The following IMPG2 variants were observed in gnomAD, a reference collection of about 807,000 sequenced individuals.
IMPG2 encodes the protein interphotoreceptor matrix proteoglycan 2.
IMPG2 carries 91 observed loss-of-function variants against 129.2 expected under a neutral mutation model. The ratio of observed to expected loss-of-function variants is 0.70; its 90% CI spans 0.59 to 0.84. The LOEUF (loss-of-function observed/expected upper bound fraction) is 0.84, where lower values mean the gene tolerates loss of function less well. IMPG2 is among the 40% of genes least tolerant of loss of function. The probability of loss-of-function intolerance (pLI) is 0.00; values close to 1 mark genes in which losing one functional copy is unlikely to be tolerated. For missense variants in IMPG2, 1,430 were observed against 1,461.7 expected, an observed-to-expected ratio of 0.98 and a Z score of 0.35; for synonymous variants, 510 against 517.7, an observed-to-expected ratio of 0.99 and a Z score of 0.20.
chr3:101,313,991 GA>G (rs959184545), intron 2 of IMPG2, among the ~76,000 whole-genome samples: 2 of 151,890 alleles, frequency 1.3e-5, no homozygotes, highest in South Asian at 4.2e-4. Context: ...AATAATAGAT[GA>G]AAAAATGTGA....
intron 4 of IMPG2, among the ~76,000 whole-genome samples, chr3:101,286,639 G>T (rs533492649): frequency 5.3e-5 from 8 of 152,228 alleles, no homozygotes; most frequent in Non-Finnish European, 1.0e-4. Context: ...TATATGCCTC[G>T]CATTACCAGT....
chr3:101,292,669 G>A (rs965275805), intron 3 of IMPG2, among the ~76,000 whole-genome samples: 1 of 152,082 alleles, frequency 6.6e-6, no homozygotes, highest in Non-Finnish European at 1.5e-5. Context: ...CCCATCAATT[G>A]ATTTTTTCTT....
In IMPG2 at chr3:101,253,799, T is replaced by G. The variant is rs1023894390; in HGVS notation, c.1154-18A>C. 13 of 1,568,434 alleles carry G rather than the reference T, an allele frequency of 8.3e-6. No homozygotes were observed. The highest frequency in any genetic ancestry group is 1.7e-4 in the Middle Eastern group (1 of 5,986). ...TCCTCTCACTGAGGAAAGAACAATA[T>G]TAAAGAACATTTTTAGATGAGGCCC... On this transcript the variant is annotated intron_variant, in intron 10 of 18. Coordinates refer to ENST00000193391, the MANE Select transcript of IMPG2 (RefSeq NM_016247.4).
chr3:101,306,989 A>G (rs982903348), intron 2 of IMPG2, among the ~76,000 whole-genome samples: 3 of 152,256 alleles, frequency 2.0e-5, no homozygotes, highest in Non-Finnish European at 2.9e-5. Flanking sequence ...AAATACATAT[A>G]TCTGCCAAAG....
At chr3:101,253,821 G>T in intron 10 of IMPG2, 40 bp from the exon 11 acceptor site, 1 of 1,388,344 alleles carries the variant, frequency 7.2e-7, no homozygotes. Flanking sequence ...TTTAGATGAG[G>T]CCCTATTGTA....
chr3:101,316,547 T>C (rs1165679269), intron 2 of IMPG2, among the ~76,000 whole-genome samples: 1 of 151,878 alleles, frequency 6.6e-6, no homozygotes, highest in Non-Finnish European at 1.5e-5. Flanking sequence ...AAAATGCAAA[T>C]TAATACCACA....
At chr3:101,228,312 A>C (rs984381556) in intron 18 of IMPG2, among the ~76,000 whole-genome samples, 3 of 152,148 alleles carry the variant, frequency 2.0e-5, no homozygotes, top group Admixed American at 6.5e-5. Context: ...ACAGAGATAG[A>C]ATTGAAAGAA....
chr3:101,279,485 T>C (rs956804576), intron 4 of IMPG2, among the ~76,000 whole-genome samples: 1 of 152,186 alleles, frequency 6.6e-6, no homozygotes, highest in African/African-American at 2.4e-5. Context: ...TTGGCCTTCA[T>C]GATACTGGCC....
chr3:101,312,298 C>T (rs1183418080), intron 2 of IMPG2, among the ~76,000 whole-genome samples: 1 of 151,684 alleles, frequency 6.6e-6, no homozygotes, highest in Non-Finnish European at 1.5e-5. Context: ...GGATTTATAG[C>T]CAGAATAAAT....
At chr3:101,308,185 G>A (rs1576771939) in intron 2 of IMPG2, among the ~76,000 whole-genome samples, 1 of 152,194 alleles carries the variant, frequency 6.6e-6, no homozygotes, top group African/African-American at 2.4e-5. Flanking sequence ...CAGGTGCATG[G>A]TGCAAGTTGT....
At chr3:101,248,450 T>A (rs970287602) in intron 11 of IMPG2, among the ~76,000 whole-genome samples, 1 of 152,188 alleles carries the variant, frequency 6.6e-6, no homozygotes, top group Non-Finnish European at 1.5e-5. Context: ...ATCAGCAGCG[T>A]GAAAACAGAT....
intron 14 of IMPG2, among the ~76,000 whole-genome samples, chr3:101,241,068 G>A (rs1463564451): frequency 6.6e-6 from 1 of 152,180 alleles, no homozygotes; most frequent in Non-Finnish European, 1.5e-5. Flanking sequence ...CTGTGTTCAA[G>A]ACACTATCCT....
intron 2 of IMPG2, among the ~76,000 whole-genome samples, chr3:101,312,731 A>G (rs565082001): frequency 7.1e-4 from 108 of 152,246 alleles, no homozygotes; most frequent in African/African-American, 2.3e-3. Flanking sequence ...CTATCCATAC[A>G]CTAAAATATT....
In IMPG2 at chr3:101,244,599, C is replaced by G; in HGVS notation, c.1732G>C (p.Asp578His). The G allele has an allele frequency of 6.3e-7, 1 of 1,598,436 alleles. No individual in the cohort carries two copies. Among genetic ancestry groups the G allele is most frequent in the Non-Finnish European group, 8.5e-7 (1 of 1,172,914 alleles). Residue 578 changes from aspartate to histidine, a missense_variant, in exon 13 of 19, where the codon GAC becomes CAC. By Grantham distance (81) the Asp-to-His change is moderately conservative. Coordinates refer to ENST00000193391, the MANE Select transcript of IMPG2 (RefSeq NM_016247.4). The part of the protein sequence containing the change: ...GLDSLTSKVK[D>H]QLKVSPFLPD... ...AGGAAAGGGCTCACTTTTAATTGGTCTTTGACTTTGGAGGTCAAGGAGTCC... is the reference window on the plus strand; with the variant it reads ...AGGAAAGGGCTCACTTTTAATTGGTGTTTGACTTTGGAGGTCAAGGAGTCC...
In IMPG2 at chr3:101,310,452, C is replaced by T. The variant is rs555365234; in HGVS notation, c.335-6140G>A. Among the ~76,000 whole-genome samples, 41 of 151,452 alleles carry T rather than the reference C, an allele frequency of 2.7e-4. No individual in the cohort carries two copies. In the South Asian group the frequency reaches 5.4e-3, roughly 20 times the overall value. The stretch of plus-strand genomic sequence containing the variant: ...CACGTGCCTATAGTTCCAGCTACTC[C>T]GGAGGCTGAGGTGGGAGGATCATCT... On this transcript the variant is annotated intron_variant, in intron 2 of 18. Transcript: ENST00000193391.
chr3:101,257,710 G>A lies in IMPG2; in HGVS notation c.972C>T (p.Asp324=), dbSNP rs762052051. The A allele has an allele frequency of 4.6e-5, 75 of 1,613,218 alleles. No homozygotes were observed. In the Middle Eastern group the frequency reaches 4.9e-4, roughly 11 times the overall value. ...CCTTGTTGGAGTGAAGGCTAATGAGGTCCCAGGTGGTATTGCTGATGGCCT... is the reference window on the plus strand; with the variant it reads ...CCTTGTTGGAGTGAAGGCTAATGAGATCCCAGGTGGTATTGCTGATGGCCT... ...NGEAISNTTW[D]LISLHSNKVE... The change falls in exon 10 of 19, where the codon GAC becomes GAT. Residue 324 remains aspartate (D), a synonymous_variant. Coordinates refer to ENST00000193391, the MANE Select transcript of IMPG2 (RefSeq NM_016247.4).
chr3:101,281,186 G>A (rs1206451434), intron 4 of IMPG2, among the ~76,000 whole-genome samples: 1 of 152,166 alleles, frequency 6.6e-6, no homozygotes, highest in Admixed American at 6.5e-5. Flanking sequence ...CTCGTTATTG[G>A]GGATGTAACC....
At chr3:101,270,949 A>G (rs1706776479) in intron 7 of IMPG2, among the ~76,000 whole-genome samples, 1 of 152,162 alleles carries the variant, frequency 6.6e-6, no homozygotes, top group Non-Finnish European at 1.5e-5. Context: ...CCTTGGCAAC[A>G]TCTCTGGGCA....
chr3:101,319,304 C>G (rs1272966723), intron 2 of IMPG2, among the ~76,000 whole-genome samples: 1 of 152,072 alleles, frequency 6.6e-6, no homozygotes, highest in Non-Finnish European at 1.5e-5. Context: ...GCTACAAACT[C>G]AAATCATGAA....
Sources: allele counts gnomAD v4.1 joint callset (sites outside exome capture counted in the v4.1 genomes callset), GRCh38; gene constraint gnomAD v4.1.1; transcripts MANE v1.5; gene names NCBI Gene and HGNC (gene_info 2026-07-23, HGNC 2026-07-21).